The following ANK3 variants were observed in gnomAD, a reference collection of about 807,000 sequenced individuals.
ANK3 encodes ankyrin 3, also known as ankyrin-3.
Under a neutral mutation model 370.9 loss-of-function variants are expected in ANK3, and 57 were observed. That is an observed-to-expected ratio of 0.15 (90% confidence interval 0.12 to 0.19). The LOEUF is 0.19. Ranked by LOEUF, ANK3 falls within the 10% of genes least tolerant of loss-of-function variation. ANK3 has a pLI of 1.00. For missense variants in ANK3, 4,439 were observed against 5,302.1 expected (o/e 0.84, Z 5.06); for synonymous variants, 1,929 against 1,946.3 (o/e 0.99, Z 0.23).
chr10:60,701,440 A>G lies in ANK3; in HGVS notation c.57+31823T>C, dbSNP rs369733320. 2.7e-3 allele frequency among the ~76,000 whole-genome samples: 418 copies of G among 152,260 alleles called. 1 individual carries two copies. The highest frequency in any genetic ancestry group is 9.8e-3 in the African/African-American group (406 of 41,550). ...AAACATGAAAAGATACACAGTGGGG[A>G]AAAAAGAAAAAAAATGAAAAGACGA... On this transcript the variant is annotated intron_variant, in intron 1 of 43. Transcript: ENST00000373827.
At chr10:60,432,609 A>C (rs913923273) in intron 2 of ANK3, among the ~76,000 whole-genome samples, 1 of 152,216 alleles carries the variant, frequency 6.6e-6, no homozygotes, top group Admixed American at 6.5e-5. Flanking sequence ...TTCTTAAATA[A>C]TGATGACAAA....
intron 25 of ANK3, among the ~76,000 whole-genome samples, chr10:60,128,110 C>A (rs866576592): frequency 6.6e-6 from 1 of 152,170 alleles, no homozygotes; most frequent in Non-Finnish European, 1.5e-5. Context: ...AGAACACTGT[C>A]TAAATATAAT....
At chr10:60,317,532 T>C (rs1275801197) in intron 1 of ANK3, among the ~76,000 whole-genome samples, 3 of 152,134 alleles carry the variant, frequency 2.0e-5, no homozygotes, top group South Asian at 2.1e-4. Context: ...AACTTACTTT[T>C]GTATGTATCT....
intron 17 of ANK3, among the ~76,000 whole-genome samples, chr10:60,186,347 CTT>C (rs1555089883): frequency 4.5e-5 from 6 of 133,236 alleles, no homozygotes; most frequent in Non-Finnish European, 9.6e-5. Flanking sequence ...ATCTTTCTGT[CTT>C]TTTTTTTTTT....
intron 2 of ANK3, among the ~76,000 whole-genome samples, chr10:60,494,936 AAAGGATTTAC>A (rs1362969032): frequency 6.6e-6 from 1 of 152,222 alleles, no homozygotes; most frequent in African/African-American, 2.4e-5. Context: ...AGGGATTAGC[AAAGGATTTAC>A]AAGGCTAGAC....
At chr10:60,061,757 G>C (rs1296681327) in intron 40 of ANK3, among the ~76,000 whole-genome samples, 1 of 150,462 alleles carries the variant, frequency 6.6e-6, no homozygotes, top group Non-Finnish European at 1.5e-5. Flanking sequence ...TTTTTTAAGA[G>C]ACAGACAGTG....
In ANK3 at chr10:60,074,177, C is replaced by T. The variant is rs935899775; in HGVS notation, c.6704G>A (p.Ser2235Asn). 6.2e-7 allele frequency: 1 copy of T among 1,614,088 alleles called. No individual in the cohort carries two copies. Among genetic ancestry groups the T allele is most frequent in the Non-Finnish European group, 8.5e-7 (1 of 1,179,990 alleles). ...CTCTTCTTTAACACGCATGCCTTTG[C>T]TTAAAACCCGATTGTGGTCATCTTC... is the stretch of plus-strand genomic sequence containing the variant. The part of the protein sequence containing the change: ...SEEDDHNRVL[S>N]KGMRVKEETH... The change falls in exon 37 of 44, where the codon AGC (serine) becomes AAC (asparagine). Residue 2235 changes from serine (S) to asparagine (N), a missense_variant. By Grantham distance (46) the Ser-to-Asn change is conservative (BLOSUM62 1). Around this residue, in one of 13 missense-constraint regions of ANK3, gnomAD observed 1,601 missense variants for 1,731.7 expected, o/e 0.92. Coordinates refer to ENST00000280772, the MANE Select transcript of ANK3 (RefSeq NM_020987.5).
At chr10:60,474,743 A>G (rs1177431448) in intron 2 of ANK3, among the ~76,000 whole-genome samples, 1 of 152,126 alleles carries the variant, frequency 6.6e-6, no homozygotes, top group East Asian at 1.9e-4. Flanking sequence ...ATGCAAGTCT[A>G]TTTGTTTTTT....
At chr10:60,168,980 A>G (rs2095700937) in intron 21 of ANK3, among the ~76,000 whole-genome samples, 1 of 152,106 alleles carries the variant, frequency 6.6e-6, no homozygotes, top group East Asian at 1.9e-4. Flanking sequence ...CATCTTTGCT[A>G]TTGTGGATAG....
intron 1 of ANK3, among the ~76,000 whole-genome samples, chr10:60,681,438 T>A (rs1333911847): frequency 6.6e-6 from 1 of 152,168 alleles, no homozygotes; most frequent in Non-Finnish European, 1.5e-5. Flanking sequence ...AACATCATGA[T>A]CTCTTGCATC....
chr10:60,187,387 C>T (rs1362558701), intron 16 of ANK3, among the ~76,000 whole-genome samples: 2 of 152,048 alleles, frequency 1.3e-5, no homozygotes, highest in East Asian at 3.9e-4. Context: ...CATCTCCTGA[C>T]CTCGTGATCC....
chr10:60,187,391 G>T (rs1360285367), intron 16 of ANK3, among the ~76,000 whole-genome samples: 1 of 152,020 alleles, frequency 6.6e-6, no homozygotes, highest in Non-Finnish European at 1.5e-5. Flanking sequence ...TCCTGACCTC[G>T]TGATCCACCT....
intron 2 of ANK3, among the ~76,000 whole-genome samples, chr10:60,610,396 C>T (rs187250457): frequency 7.0e-4 from 106 of 151,942 alleles, no homozygotes; most frequent in Admixed American, 1.1e-3. Context: ...ACCTGTAATC[C>T]CAGTTACTCA....
intron 2 of ANK3, among the ~76,000 whole-genome samples, chr10:60,586,275 G>A (rs1247595170): frequency 2.0e-5 from 3 of 152,094 alleles, no homozygotes; most frequent in African/African-American, 4.8e-5. Flanking sequence ...GCAATCAGCA[G>A]GGAATTGTTC....
rs2045697898 is a variant in ANK3, at chr10:60,308,584, GT to G, written c.115-28946del. ...AACCACTGTGCCTGGCCGGAATCTG[GT>G]GTTGGATGTCTGTTGTTGGGACCAT... On this transcript the variant is annotated intron_variant, in intron 1 of 43. Transcript: ENST00000280772. 3.3e-5 allele frequency among the ~76,000 whole-genome samples: 5 copies of G among 152,188 alleles called. No individual in the cohort carries two copies. The South Asian group carries it at 1.0e-3, about 32-fold the overall frequency.
chr10:60,436,182 C>T (rs2064154157), intron 2 of ANK3, among the ~76,000 whole-genome samples: 1 of 152,132 alleles, frequency 6.6e-6, no homozygotes, highest in Non-Finnish European at 1.5e-5. Flanking sequence ...ATAATATTCC[C>T]TTGTATGGAT....
chr10:60,247,448 T>C (rs1387532256), intron 7 of ANK3, among the ~76,000 whole-genome samples: 1 of 152,164 alleles, frequency 6.6e-6, no homozygotes, highest in African/African-American at 2.4e-5. Flanking sequence ...TACACAGCAT[T>C]CTGCAATCAG....
chr10:60,382,601 T>C (rs2061685304), intron 1 of ANK3, among the ~76,000 whole-genome samples: 1 of 152,132 alleles, frequency 6.6e-6, no homozygotes, highest in African/African-American at 2.4e-5. Context: ...TATATGTGAA[T>C]GATTCAAGCT....
intron 1 of ANK3, among the ~76,000 whole-genome samples, chr10:60,728,932 T>C (rs964058600): frequency 7.9e-5 from 12 of 152,210 alleles, no homozygotes; most frequent in Non-Finnish European, 1.8e-4. Flanking sequence ...AGAGGCATAA[T>C]AAATCATGGT....
Sources: gnomAD v4.1 joint callset for allele counts (sites outside exome capture counted in the v4.1 genomes callset) on GRCh38, gnomAD v4.1.1 for gene constraint, gnomAD v4.1.1 regional missense constraint, MANE v1.5 for transcripts, NCBI Gene and HGNC (gene_info 2026-07-23, HGNC 2026-07-21) for gene names.